The following NPR3 variants were observed in gnomAD, a reference collection of about 807,000 sequenced individuals.
NPR3 encodes atrial natriuretic peptide receptor 3.
Under a neutral mutation model 54.5 loss-of-function variants are expected in NPR3, and 34 were observed. That is an observed-to-expected ratio of 0.62 (90% confidence interval 0.47 to 0.83). The LOEUF (loss-of-function observed/expected upper bound fraction) is 0.83, where lower values mean the gene tolerates loss of function less well. NPR3 is among the 40% of genes least tolerant of loss of function. NPR3 has a pLI of 0.00. For synonymous variants in NPR3, 289 were observed against 297.1 expected, an observed-to-expected ratio of 0.97 and a Z score of 0.28; for missense variants, 674 against 720.8, an observed-to-expected ratio of 0.94 and a Z score of 0.74.
At chr5:32,696,615 T>G (rs1184936417) in intron 1 of NPR3, among the ~76,000 whole-genome samples, 1 of 152,188 alleles carries the variant, frequency 6.6e-6, no homozygotes, top group Non-Finnish European at 1.5e-5. Flanking sequence ...TTAAGAATAT[T>G]GATTCTTCCA....
intron 6 of NPR3, among the ~76,000 whole-genome samples, chr5:32,784,168 G>A (rs1232323439): frequency 2.0e-5 from 3 of 152,062 alleles, no homozygotes; most frequent in Non-Finnish European, 2.9e-5. Flanking sequence ...TCAGTGCCCT[G>A]GTCCATCTGG....
intron 1 of NPR3, among the ~76,000 whole-genome samples, chr5:32,704,405 T>C (rs1737932631): frequency 6.6e-6 from 1 of 151,818 alleles, no homozygotes; most frequent in South Asian, 2.1e-4. Context: ...TGTGTGTGTA[T>C]AGTTGTTCAA....
In NPR3 at chr5:32,774,632, G is replaced by T. The variant is rs1429122721; in HGVS notation, c.1060-76G>T. The T allele has an allele frequency of 2.7e-6, 3 of 1,117,820 alleles. No homozygotes were observed. The Admixed American group carries it at 5.1e-5, about 19-fold the overall frequency. 69.2% of individuals were successfully genotyped at this position (1,117,820 alleles called of 1,614,324 possible). ...CAGACCTGAAGTCTAACTTGTTAAC[G>T]CTTTGGATTGCTCATCTTATTCCTG... On this transcript the variant is annotated intron_variant, in intron 3 of 7. Coordinates refer to ENST00000265074, the MANE Select transcript of NPR3 (RefSeq NM_001204375.2).
intron 2 of NPR3, among the ~76,000 whole-genome samples, chr5:32,738,148 T>C (rs76677331): frequency 1.3e-5 from 2 of 152,330 alleles, no homozygotes; most frequent in South Asian, 4.1e-4. Context: ...TTTCTTTTTT[T>C]AAATTATACT....
chr5:32,724,563 A>G, intron 1 of NPR3, 135 bp from the exon 2 acceptor site: 1 of 986,696 alleles, frequency 1.0e-6, no homozygotes, highest in Non-Finnish European at 1.5e-6. Flanking sequence ...ATTTGTAGTT[A>G]ACAAGTGATT....
chr5:32,730,817 T>TA (rs1256078365), intron 2 of NPR3, among the ~76,000 whole-genome samples: 8 of 152,066 alleles, frequency 5.3e-5, no homozygotes, highest in African/African-American at 1.4e-4. Flanking sequence ...ATGAAAGAAA[T>TA]AAAAAAATCT....
intron 3 of NPR3, among the ~76,000 whole-genome samples, chr5:32,745,619 TGAAGA>T (rs541878711): frequency 4.3e-4 from 65 of 152,302 alleles, no homozygotes; most frequent in African/African-American, 1.5e-3. Context: ...ACCCATGACC[TGAAGA>T]TTATGTGTCT....
At chr5:32,730,289 T>TA (rs1191167778) in intron 2 of NPR3, among the ~76,000 whole-genome samples, 3 of 151,498 alleles carry the variant, frequency 2.0e-5, no homozygotes, top group African/African-American at 4.9e-5. Flanking sequence ...AAATAAAAAA[T>TA]AAAAAATTAT....
intron 2 of NPR3, among the ~76,000 whole-genome samples, chr5:32,738,442 C>A (rs1254703569): frequency 6.6e-6 from 1 of 152,188 alleles, no homozygotes; most frequent in Non-Finnish European, 1.5e-5. Context: ...CCGTCCCACA[C>A]ACACATAACA....
chr5:32,730,121 G>T (rs1463459565), intron 2 of NPR3, among the ~76,000 whole-genome samples: 2 of 151,804 alleles, frequency 1.3e-5, no homozygotes, highest in Non-Finnish European at 2.9e-5. Flanking sequence ...CTATGACCAA[G>T]CGGGGTTTAT....
At chr5:32,746,904 T>C (rs1371181054) in intron 3 of NPR3, among the ~76,000 whole-genome samples, 1 of 152,192 alleles carries the variant, frequency 6.6e-6, no homozygotes, top group East Asian at 1.9e-4. Flanking sequence ...CCTTCCCTCA[T>C]ATTGTTGTTG....
intron 1 of NPR3, among the ~76,000 whole-genome samples, chr5:32,722,349 T>A (rs1738909518): frequency 6.6e-6 from 1 of 152,224 alleles, no homozygotes; most frequent in Non-Finnish European, 1.5e-5. Context: ...CTTACTTGCA[T>A]CCTACTGCTT....
In NPR3 at chr5:32,782,876, T is replaced by C; in HGVS notation, c.1291-17T>C. ...TTGACTTTTTGGTTTGTCTATTTGT[T>C]TTTTGCCTCTATATAGGTTATTGGT... On this transcript the variant is annotated splice_polypyrimidine_tract_variant and intron_variant, in intron 5 of 7. Transcript: ENST00000265074. 3 of 1,587,438 alleles carry C rather than the reference T, an allele frequency of 1.9e-6. No homozygotes were observed. Among genetic ancestry groups the C allele is most frequent in the Non-Finnish European group, 2.6e-6 (3 of 1,168,954 alleles).
chr5:32,761,930 TATCCTTCACCTAGCTTCCA>T (rs1288018626), intron 3 of NPR3, among the ~76,000 whole-genome samples: 1 of 152,188 alleles, frequency 6.6e-6, no homozygotes, highest in Non-Finnish European at 1.5e-5. Context: ...CTCCTAATGC[TATCCTTCACCTAGCTTCCA>T]ATCCCCCAAC....
chr5:32,749,617 T>C (rs1481619497), intron 3 of NPR3, among the ~76,000 whole-genome samples: 1 of 152,224 alleles, frequency 6.6e-6, no homozygotes, highest in African/African-American at 2.4e-5. Context: ...TCAGTTTCAC[T>C]ACAAAATTCC....
At chr5:32,750,460 TC>T (rs1302397144) in intron 3 of NPR3, among the ~76,000 whole-genome samples, 1 of 152,190 alleles carries the variant, frequency 6.6e-6, no homozygotes, top group Non-Finnish European at 1.5e-5. Context: ...ATCTGCTATT[TC>T]CTTTCTGTAC....
chr5:32,728,831 G>GTATATATATA (rs1378102562), intron 2 of NPR3, among the ~76,000 whole-genome samples: 46 of 63,922 alleles, frequency 7.2e-4, no homozygotes, highest in Non-Finnish European at 9.2e-4. Flanking sequence ...GTGTGTGTGT[G>GTATATATATA]TGTGTGTATA....
chr5:32,728,465 G>GAAA lies in NPR3; in HGVS notation c.892+3658_892+3660dup, dbSNP rs11404168. The stretch of plus-strand genomic sequence containing the variant: ...GCAACAAGAGTGAAACTCTATCTCA[G>GAAA]AAAAAAAAAAAAAAAGAGTCTTTTT... On this transcript the variant is annotated intron_variant, in intron 2 of 7. Coordinates refer to ENST00000265074, the MANE Select transcript of NPR3 (RefSeq NM_001204375.2). 9.6e-3 allele frequency among the ~76,000 whole-genome samples: 1,316 copies of GAAA among 137,386 alleles called. 30 individuals are homozygous for GAAA. Among genetic ancestry groups the GAAA allele is most frequent in the African/African-American group, 0.034 (1,260 of 36,882 alleles). The allele number at this position is 137,386 out of a possible 152,430, so 90.1% of individuals were successfully genotyped here.
chr5:32,785,740 T>C (rs1742582483), intron 7 of NPR3, among the ~76,000 whole-genome samples: 1 of 152,202 alleles, frequency 6.6e-6, no homozygotes, highest in Admixed American at 6.5e-5. Context: ...GTACTGATTG[T>C]TCTGCCCCGT....
Sources: allele counts gnomAD v4.1 joint callset (sites outside exome capture counted in the v4.1 genomes callset), GRCh38; gene constraint gnomAD v4.1.1; transcripts MANE v1.5; gene names NCBI Gene and HGNC (gene_info 2026-07-23, HGNC 2026-07-21).